Variants in PHACTR1 observed in about 807,000 individuals in gnomAD.
The protein encoded by PHACTR1 is phosphatase and actin regulator 1.
PHACTR1 carries 16 observed loss-of-function variants against 69.2 expected under a neutral mutation model. That is an observed-to-expected ratio of 0.23 (90% confidence interval 0.16 to 0.35). The LOEUF is 0.35. Ranked by LOEUF, PHACTR1 falls within the 10% of genes least tolerant of loss-of-function variation. The probability of loss-of-function intolerance (pLI) is 1.00; values close to 1 mark genes in which losing one functional copy is unlikely to be tolerated. For missense variants in PHACTR1, 510 were observed against 734.7 expected (o/e 0.69, Z 3.54); for synonymous variants, 312 against 284.5 (o/e 1.10, Z -0.97).
At chr6:13,018,818 T>C (rs1197324692) in intron 4 of PHACTR1, among the ~76,000 whole-genome samples, 1 of 152,122 alleles carries the variant, frequency 6.6e-6, no homozygotes, top group East Asian at 1.9e-4. Context: ...GTACCAAAGA[T>C]GGCACAGGGT....
At chr6:13,084,874 A>T (rs1283162057) in intron 5 of PHACTR1, among the ~76,000 whole-genome samples, 5 of 152,176 alleles carry the variant, frequency 3.3e-5, no homozygotes, top group African/African-American at 9.6e-5. Flanking sequence ...GAAGTAGAGC[A>T]TGTAACTTAA....
chr6:12,982,019 T>G (rs563778179), intron 4 of PHACTR1, among the ~76,000 whole-genome samples: 1 of 152,298 alleles, frequency 6.6e-6, no homozygotes, highest in East Asian at 1.9e-4. Flanking sequence ...TTTTGCTTAC[T>G]CTCTCCCTTC....
chr6:12,754,288 A>G (rs1301982259), intron 4 of PHACTR1, among the ~76,000 whole-genome samples: 1 of 151,936 alleles, frequency 6.6e-6, no homozygotes, highest in Non-Finnish European at 1.5e-5. Context: ...AATTGTAAAT[A>G]TTATTGCCAT....
intron 4 of PHACTR1, among the ~76,000 whole-genome samples, chr6:12,990,229 C>T (rs939612990): frequency 3.3e-5 from 5 of 152,326 alleles, no homozygotes; most frequent in African/African-American, 7.2e-5. Flanking sequence ...CCTTACACCC[C>T]GTTTCTTCTT....
rs759246219 is a variant in PHACTR1, at chr6:13,228,096, G to C, written c.1234+33G>C. 1.4e-5 allele frequency: 23 copies of C among 1,590,090 alleles called. No individual in the cohort carries two copies. The South Asian group carries it at 2.6e-4, about 18-fold the overall frequency. On this transcript the variant is annotated intron_variant, in intron 9 of 14. Coordinates refer to ENST00000332995, the MANE Select transcript of PHACTR1 (RefSeq NM_030948.6). ...CATCTTAACTCATCACCAGGGGTGG[G>C]GAAGCATGCTATTGTGGAAAGACAG... is the stretch of plus-strand genomic sequence containing the variant.
chr6:12,734,258 T>C (rs1763949277), intron 3 of PHACTR1, among the ~76,000 whole-genome samples: 2 of 152,222 alleles, frequency 1.3e-5, no homozygotes, highest in South Asian at 4.1e-4. Context: ...CTTGGAGAGC[T>C]CACTAACTTT....
chr6:13,211,721 C>T (rs4715158), intron 8 of PHACTR1, among the ~76,000 whole-genome samples: 21,919 of 152,106 alleles, frequency 0.14, 2,364 homozygotes, highest in African/African-American at 0.28. Flanking sequence ...AGGGATAAGA[C>T]CAACACTTCT....
chr6:13,213,176 A>G (rs1003597899), intron 8 of PHACTR1, among the ~76,000 whole-genome samples: 2 of 152,244 alleles, frequency 1.3e-5, no homozygotes, highest in African/African-American at 4.8e-5. Context: ...TCTTTCACTT[A>G]TTAATCTGCT....
At chr6:12,866,595 A>G (rs1300557094) in intron 4 of PHACTR1, among the ~76,000 whole-genome samples, 1 of 152,128 alleles carries the variant, frequency 6.6e-6, no homozygotes, top group African/African-American at 2.4e-5. Flanking sequence ...TCCCACACAC[A>G]TGCCATGTCT....
intron 4 of PHACTR1, among the ~76,000 whole-genome samples, chr6:12,875,903 G>T (rs989463191): frequency 6.6e-6 from 1 of 152,130 alleles, no homozygotes; most frequent in East Asian, 1.9e-4. Context: ...GACCAGGGGC[G>T]CTGCGTGGAA....
intron 4 of PHACTR1, among the ~76,000 whole-genome samples, chr6:12,960,388 C>G (rs908901204): frequency 1.3e-5 from 2 of 152,210 alleles, no homozygotes; most frequent in Non-Finnish European, 2.9e-5. Flanking sequence ...AACTTTAGCT[C>G]ACATTTGTGC....
At chr6:13,018,400 T>C (rs1426736452) in intron 4 of PHACTR1, among the ~76,000 whole-genome samples, 1 of 152,102 alleles carries the variant, frequency 6.6e-6, no homozygotes, top group African/African-American at 2.4e-5. Flanking sequence ...GGCTGGGTGA[T>C]TTGGGAATAT....
rs548045935 is a variant in PHACTR1, at chr6:12,758,299, C to T, written c.250+8509C>T. ...CTCTACTAAAAATCCAAAAGTTAGC[C>T]GGTGTGGGGGCACACACCTGTAGTC... On this transcript the variant is annotated intron_variant, in intron 4 of 14. Transcript: ENST00000332995. Among the ~76,000 whole-genome samples the T allele has an allele frequency of 6.6e-5, 10 of 150,664 alleles. No homozygotes were observed. In the East Asian group the frequency reaches 1.2e-3, roughly 18 times the overall value.
chr6:13,056,552 A>G (rs184630779), intron 5 of PHACTR1, among the ~76,000 whole-genome samples: 17 of 152,030 alleles, frequency 1.1e-4, no homozygotes, highest in Non-Finnish European at 2.1e-4. Flanking sequence ...TGTTAAAGGA[A>G]AAGTTATTCA....
intron 4 of PHACTR1, among the ~76,000 whole-genome samples, chr6:12,972,479 A>C (rs1794340313): frequency 6.6e-6 from 1 of 152,112 alleles, no homozygotes; most frequent in Admixed American, 6.5e-5. Context: ...ACCAAAATCA[A>C]TCTCACTGGA....
At chr6:13,025,703 G>GTC (rs1801599097) in intron 4 of PHACTR1, among the ~76,000 whole-genome samples, 2 of 151,752 alleles carry the variant, frequency 1.3e-5, no homozygotes, top group Admixed American at 6.6e-5. Flanking sequence ...GTGTGTGTGT[G>GTC]TGTGTGTCTG....
intron 10 of PHACTR1, among the ~76,000 whole-genome samples, chr6:13,262,974 T>A (rs1776106837): frequency 6.6e-6 from 1 of 152,176 alleles, no homozygotes; most frequent in African/African-American, 2.4e-5. Context: ...CAGTTGTAAA[T>A]GCTAATGAAA....
rs1474340645 is a variant in PHACTR1 at position 12,940,025 on chromosome 6, G to A, written c.251-113340G>A. On this transcript the variant is annotated intron_variant, in intron 4 of 14. Coordinates refer to ENST00000332995, the MANE Select transcript of PHACTR1 (RefSeq NM_030948.6). ...GCAAGAAAGGAAACACTTTTGGGGAGAGAAGCTGTAATAAGAGAGACAAAT... is the reference window on the plus strand; with the variant it reads ...GCAAGAAAGGAAACACTTTTGGGGAAAGAAGCTGTAATAAGAGAGACAAAT... Among the ~76,000 whole-genome samples the A allele has an allele frequency of 2.0e-5, 3 of 152,194 alleles. No homozygotes were observed. In the East Asian group the frequency reaches 5.8e-4, roughly 29 times the overall value.
At chr6:13,163,440 C>T (rs2113570016) in intron 6 of PHACTR1, among the ~76,000 whole-genome samples, 1 of 152,268 alleles carries the variant, frequency 6.6e-6, no homozygotes, top group South Asian at 2.1e-4. Context: ...TGTAGGAGAG[C>T]AGGGGCCTCA....
Sources: allele counts gnomAD v4.1 joint callset (sites outside exome capture counted in the v4.1 genomes callset), GRCh38; gene constraint gnomAD v4.1.1; transcripts MANE v1.5; gene names NCBI Gene and HGNC (gene_info 2026-07-23, HGNC 2026-07-21).